Variants in RABL3 observed in about 807,000 individuals in gnomAD.
RABL3 encodes the protein rab-like protein 3.
RABL3 carries 31 observed loss-of-function variants against 31.8 expected under a neutral mutation model. The observed-to-expected ratio is 0.97, with a 90% CI of 0.73 to 1.31. RABL3 has a LOEUF of 1.31. Among genes scored for constraint, RABL3 ranks in the 40% most tolerant of loss-of-function variants. The pLI is 0.00. For synonymous variants in RABL3, 97 were observed against 99.9 expected (o/e 0.97, Z 0.18); for missense variants, 263 against 279.6 (o/e 0.94, Z 0.42).
intron 1 of RABL3, among the ~76,000 whole-genome samples, chr3:120,737,999 G>C (rs573877001): frequency 5.7e-4 from 87 of 152,234 alleles, no homozygotes; most frequent in Non-Finnish European, 1.0e-3. Context: ...GGGGCAATCT[G>C]TCTGTTCTCA....
intron 1 of RABL3, among the ~76,000 whole-genome samples, chr3:120,741,803 T>C (rs1385284010): frequency 1.3e-5 from 2 of 152,198 alleles, no homozygotes; most frequent in Non-Finnish European, 1.5e-5. Context: ...AGGTTTTCAA[T>C]GAAGATCAAA....
chr3:120,706,138 G>A (rs987332326), intron 3 of RABL3, 24 bp from the exon 4 acceptor site: 1 of 1,413,732 alleles, frequency 7.1e-7, no homozygotes, highest in Admixed American at 1.7e-5. Flanking sequence ...AGAAAACAAT[G>A]TTAATCCCTT....
intron 2 of RABL3, among the ~76,000 whole-genome samples, chr3:120,720,795 G>C (rs1419060908): frequency 2.0e-5 from 3 of 152,170 alleles, no homozygotes; most frequent in Non-Finnish European, 4.4e-5. Flanking sequence ...CCCCAATCTA[G>C]CAAGGCAGGC....
intron 4 of RABL3, among the ~76,000 whole-genome samples, chr3:120,699,398 G>T (rs144648424): frequency 6.6e-6 from 1 of 152,146 alleles, no homozygotes; most frequent in Non-Finnish European, 1.5e-5. Context: ...AGAACAGAGT[G>T]GTGATGTAAA....
In RABL3 at chr3:120,686,867, T is replaced by G. The variant is rs1390482516; in HGVS notation, c.*2956A>C. On this transcript the variant is annotated 3_prime_UTR_variant, in exon 8 of 8. Transcript: ENST00000273375. ...ACTGTGGAGAACTTAGCAAGTCCTATTTGTCCAGATTCTTCTTGGTGTCTC... is the reference window on the plus strand; with the variant it reads ...ACTGTGGAGAACTTAGCAAGTCCTAGTTGTCCAGATTCTTCTTGGTGTCTC... 6.6e-6 allele frequency: 1 copy of G among 152,174 alleles called. No homozygotes were observed. The highest frequency in any genetic ancestry group is 1.9e-4 in the East Asian group (1 of 5,200). The allele number at this position is 152,174 out of a possible 1,614,324, so 9.4% of individuals were successfully genotyped here. A position where few individuals can be genotyped will look rare whatever the true frequency, so the allele number is the denominator to read the frequency against.
chr3:120,722,497 T>A (rs185243207), intron 2 of RABL3: 42 of 152,288 alleles, frequency 2.8e-4, no homozygotes, highest in African/African-American at 8.4e-4. Context: ...AGATGCCACA[T>A]CCCCTATAAC....
At chr3:120,709,640 T>G (rs1406098721) in intron 3 of RABL3, 140 bp downstream of exon 3, 2 of 581,728 alleles carry the variant, frequency 3.4e-6, no homozygotes, top group Non-Finnish European at 5.8e-6. Context: ...TGGAATGTAC[T>G]ATGCAGATTT....
intron 5 of RABL3, among the ~76,000 whole-genome samples, chr3:120,697,033 A>C (rs1708444946): frequency 1.3e-5 from 2 of 152,212 alleles, no homozygotes; most frequent in Admixed American, 6.5e-5. Context: ...ATTTGTTAAA[A>C]CTGCAGATTC....
chr3:120,742,212 C>T (rs1302302085), intron 1 of RABL3, among the ~76,000 whole-genome samples: 3 of 150,754 alleles, frequency 2.0e-5, no homozygotes, highest in Non-Finnish European at 4.4e-5. Flanking sequence ...GCTGGGGTCG[C>T]CTGGGAGACC....
intron 1 of RABL3, among the ~76,000 whole-genome samples, chr3:120,735,877 A>G (rs913962679): frequency 6.6e-6 from 1 of 152,048 alleles, no homozygotes; most frequent in Non-Finnish European, 1.5e-5. Flanking sequence ...CTCAATCCTG[A>G]GTTCTAGTTT....
At chr3:120,725,870 C>G (rs927441584) in intron 2 of RABL3, among the ~76,000 whole-genome samples, 2 of 152,138 alleles carry the variant, frequency 1.3e-5, no homozygotes, top group African/African-American at 4.8e-5. Flanking sequence ...ATGGGTGCAG[C>G]ACACCAACAT....
chr3:120,720,854 G>A (rs988792185), intron 2 of RABL3, among the ~76,000 whole-genome samples: 1 of 152,098 alleles, frequency 6.6e-6, no homozygotes, highest in Non-Finnish European at 1.5e-5. Context: ...GAGACTCCTC[G>A]AGAAGAGCAA....
chr3:120,700,367 G>T (rs1708480342), intron 4 of RABL3, among the ~76,000 whole-genome samples: 1 of 151,908 alleles, frequency 6.6e-6, no homozygotes, highest in African/African-American at 2.4e-5. Flanking sequence ...AAGTTTAAAA[G>T]ACAATACAGG....
rs542061122 is a variant in RABL3 at position 120,688,831 on chromosome 3, T to C, written c.*992A>G. ...ACACACACACCATCCCCAAAAAGCT[T>C]TGGAGTGATTATGAAATCCAAGAAT... On this transcript the variant is annotated 3_prime_UTR_variant, in exon 8 of 8. Transcript: ENST00000273375. 2.8e-4 allele frequency: 42 copies of C among 152,172 alleles called. No homozygotes were observed. Among genetic ancestry groups the C allele is most frequent in the African/African-American group, 1.0e-3 (42 of 41,528 alleles). 9.4% of individuals were successfully genotyped at this position (152,172 alleles called of 1,614,324 possible).
chr3:120,712,962 AT>A (rs113402211), intron 2 of RABL3, among the ~76,000 whole-genome samples: 141 of 146,244 alleles, frequency 9.6e-4, no homozygotes, highest in African/African-American at 1.0e-3. Context: ...AAGAGTCTGT[AT>A]TTTTTTTTTT....
intron 3 of RABL3, among the ~76,000 whole-genome samples, chr3:120,708,504 T>C (rs1708575889): frequency 6.6e-6 from 1 of 152,036 alleles, no homozygotes; most frequent in African/African-American, 2.4e-5. Context: ...AAAGGTGTTA[T>C]ATATTCAGAC....
intron 2 of RABL3, among the ~76,000 whole-genome samples, chr3:120,716,940 G>A (rs1708677414): frequency 6.6e-6 from 1 of 152,082 alleles, no homozygotes; most frequent in Non-Finnish European, 1.5e-5. Flanking sequence ...TATCACTCAC[G>A]CAGTGCATTC....
chr3:120,693,091 AT>A (rs1308689626), intron 6 of RABL3, among the ~76,000 whole-genome samples: 2 of 152,146 alleles, frequency 1.3e-5, no homozygotes, highest in African/African-American at 4.8e-5. Context: ...GCGGTTGCCA[AT>A]CACCCAACCC....
intron 1 of RABL3, among the ~76,000 whole-genome samples, chr3:120,734,008 A>G (rs147000753): frequency 0.011 from 1,671 of 152,144 alleles, 27 homozygotes; most frequent in African/African-American, 0.039. Flanking sequence ...TTGTTCTTTT[A>G]GCTTAGGATT....
Sources: gnomAD v4.1 joint callset for allele counts (sites outside exome capture counted in the v4.1 genomes callset) on GRCh38, gnomAD v4.1.1 for gene constraint, MANE v1.5 for transcripts, NCBI Gene and HGNC (gene_info 2026-07-23, HGNC 2026-07-21) for gene names.